NECTIN3: variants seen among roughly 807,000 people sequenced by gnomAD.
NECTIN3 encodes the protein nectin cell adhesion molecule 3, also known as nectin-3.
NECTIN3 carries 8 observed loss-of-function variants against 49.4 expected under a neutral mutation model. The observed-to-expected ratio is 0.16, with a 90% CI of 0.10 to 0.29. The LOEUF (loss-of-function observed/expected upper bound fraction) is 0.29, where lower values mean the gene tolerates loss of function less well. Among genes scored for constraint, NECTIN3 ranks in the 10% least tolerant of loss-of-function variants. The probability of loss-of-function intolerance (pLI) is 1.00; values close to 1 mark genes in which losing one functional copy is unlikely to be tolerated. For missense variants in NECTIN3, 581 were observed against 654.6 expected (o/e 0.89, Z 1.23); for synonymous variants, 277 against 241.1 (o/e 1.15, Z -1.38).
intron 1 of NECTIN3, among the ~76,000 whole-genome samples, chr3:111,094,606 C>A (rs1348612069): frequency 6.9e-6 from 1 of 145,222 alleles, no homozygotes. Context: ...AGCAGTGGGG[C>A]CTGAGGCGAA....
At chr3:111,130,262 G>GT (rs62747660) in intron 5 of NECTIN3, among the ~76,000 whole-genome samples, 29,185 of 142,818 alleles carry the variant, frequency 0.2, 5,535 homozygotes, top group African/African-American at 0.5. Flanking sequence ...AGCCGAGAAT[G>GT]TTTTTTTTTT....
At chr3:111,169,518 A>G (rs1337874203) in intron 7 of NECTIN3, among the ~76,000 whole-genome samples, 3 of 152,060 alleles carry the variant, frequency 2.0e-5, no homozygotes, top group Non-Finnish European at 2.9e-5. Context: ...ATTATGCTCA[A>G]GGATAAGTAA....
chr3:111,159,878 A>C (rs1413508680), intron 7 of NECTIN3, among the ~76,000 whole-genome samples: 1 of 152,172 alleles, frequency 6.6e-6, no homozygotes, highest in African/African-American at 2.4e-5. Context: ...TAAGAACATA[A>C]ATTTTTTAAC....
At chr3:111,086,919 T>A (rs1462119518) in intron 1 of NECTIN3, among the ~76,000 whole-genome samples, 3 of 152,142 alleles carry the variant, frequency 2.0e-5, no homozygotes, top group Non-Finnish European at 4.4e-5. Flanking sequence ...GTTCTGTGTG[T>A]AGACATCTTA....
In NECTIN3 at chr3:111,126,164, T is replaced by G. The variant is rs1247776570; in HGVS notation, c.918-20T>G. 1 of 1,510,274 alleles carries G rather than the reference T, an allele frequency of 6.6e-7. No homozygotes were observed. Among genetic ancestry groups the G allele is most frequent in the South Asian group, 1.3e-5 (1 of 74,484 alleles). The allele number at this position is 1,510,274 out of a possible 1,614,324, so 93.6% of individuals were successfully genotyped here. A position where few individuals can be genotyped will look rare whatever the true frequency, so the allele number is the denominator to read the frequency against. ...TAGTCTGAAGATATTTAAAATAATT[T>G]TATGCATTTTAAAATCTAGGTTGGA... On this transcript the variant is annotated intron_variant, in intron 4 of 5. Coordinates refer to ENST00000485303, the MANE Select transcript of NECTIN3 (RefSeq NM_015480.3).
intron 6 of NECTIN3, among the ~76,000 whole-genome samples, chr3:111,145,950 G>A (rs183691842): frequency 2.4e-3 from 362 of 152,250 alleles, no homozygotes; most frequent in African/African-American, 8.3e-3. Context: ...GATCAAATTA[G>A]TACTATGACC....
At chr3:111,192,056 T>G (rs1479485504), upstream of NECTIN3, among the ~76,000 whole-genome samples, 1 of 152,190 alleles carries the variant, frequency 6.6e-6, no homozygotes, top group Non-Finnish European at 1.5e-5. Context: ...GGTCTCAAAC[T>G]TCTGGCCTCA....
chr3:111,163,297 C>T (rs2035252865), intron 7 of NECTIN3, among the ~76,000 whole-genome samples: 1 of 152,110 alleles, frequency 6.6e-6, no homozygotes, highest in African/African-American at 2.4e-5. Flanking sequence ...GAGAGAGAGG[C>T]AAGTGAAAGC....
chr3:111,082,238 G>A (rs1172055631), intron 1 of NECTIN3, among the ~76,000 whole-genome samples: 1 of 152,146 alleles, frequency 6.6e-6, no homozygotes, highest in African/African-American at 2.4e-5. Flanking sequence ...GTGTACTTTT[G>A]AGCTGTAGCT....
chr3:111,176,946 T>C (rs1282972377), intron 7 of NECTIN3, among the ~76,000 whole-genome samples: 2 of 152,208 alleles, frequency 1.3e-5, no homozygotes, highest in African/African-American at 4.8e-5. Flanking sequence ...CTTCACTTAG[T>C]ATATAGCCTG....
intron 5 of NECTIN3, among the ~76,000 whole-genome samples, chr3:111,130,264 T>A (rs79889583): frequency 7.8e-6 from 1 of 128,534 alleles, no homozygotes; most frequent in African/African-American, 3.8e-5. Context: ...CCGAGAATGT[T>A]TTTTTTTTTT....
At chr3:111,147,109 C>G (rs1312749867) in intron 6 of NECTIN3, among the ~76,000 whole-genome samples, 1 of 152,116 alleles carries the variant, frequency 6.6e-6, no homozygotes, top group Non-Finnish European at 1.5e-5. Flanking sequence ...AAAACATGCA[C>G]TAAAGTAAAG....
chr3:111,164,691 C>T (rs2035283417), intron 7 of NECTIN3, among the ~76,000 whole-genome samples: 1 of 152,060 alleles, frequency 6.6e-6, no homozygotes, highest in Non-Finnish European at 1.5e-5. Context: ...ACATGGTGTT[C>T]TTCCTCTCTA....
At position 111,134,985 on chromosome 3, in the gene NECTIN3, T is replaced by A; in HGVS notation, c.*770T>A. 1 of 980,182 alleles carries A rather than the reference T, an allele frequency of 1.0e-6. No individual in the cohort carries two copies. Among genetic ancestry groups the A allele is most frequent in the Non-Finnish European group, 1.2e-6 (1 of 825,302 alleles). The allele number at this position is 980,182 out of a possible 1,614,324, so 60.7% of individuals were successfully genotyped here. A position where few individuals can be genotyped will look rare whatever the true frequency, so the allele number is the denominator to read the frequency against. ...ACATGATAATTATTAGTTTTTTTTT[T>A]TCCTTTCTGGAACATGGATTTTGGT... On this transcript the variant is annotated 3_prime_UTR_variant, in exon 6 of 6. Coordinates refer to ENST00000485303, the MANE Select transcript of NECTIN3 (RefSeq NM_015480.3).
chr3:111,123,018 T>G (rs566181163), intron 4 of NECTIN3, among the ~76,000 whole-genome samples: 11 of 152,054 alleles, frequency 7.2e-5, no homozygotes, highest in African/African-American at 2.6e-4. Context: ...CCTAGAAGAT[T>G]TTCTTGATTT....
intron 3 of NECTIN3, among the ~76,000 whole-genome samples, chr3:111,119,577 G>A (rs929727090): frequency 1.3e-5 from 2 of 152,146 alleles, no homozygotes; most frequent in African/African-American, 2.4e-5. Context: ...TGATCCTCCC[G>A]CCTTGGTCTC....
chr3:111,118,055 A>G (rs2033762903), intron 2 of NECTIN3, among the ~76,000 whole-genome samples: 1 of 151,832 alleles, frequency 6.6e-6, no homozygotes, highest in Non-Finnish European at 1.5e-5. Flanking sequence ...ATGAGTAGTT[A>G]AAGGTTGAAA....
chr3:111,074,453 G>A (rs2031033093), intron 1 of NECTIN3, among the ~76,000 whole-genome samples: 1 of 152,076 alleles, frequency 6.6e-6, no homozygotes, highest in Non-Finnish European at 1.5e-5. Context: ...CTTGTTTTAT[G>A]ACATATAGAT....
chr3:111,115,122 T>C (rs1377184760), intron 2 of NECTIN3, among the ~76,000 whole-genome samples: 2 of 152,204 alleles, frequency 1.3e-5, no homozygotes, highest in African/African-American at 4.8e-5. Flanking sequence ...TGCCAGTAAA[T>C]GCCAATAGCA....
Sources: gnomAD v4.1 joint callset for allele counts (sites outside exome capture counted in the v4.1 genomes callset) on GRCh38, gnomAD v4.1.1 for gene constraint, MANE v1.5 for transcripts, NCBI Gene and HGNC (gene_info 2026-07-23, HGNC 2026-07-21) for gene names.